The following XPR1 variants were observed in gnomAD, a reference collection of about 807,000 sequenced individuals.
The protein encoded by XPR1 is solute carrier family 53 member 1.
A neutral mutation model predicts 87.5 loss-of-function variants in XPR1; 28 were observed. That is an observed-to-expected ratio of 0.32 (90% CI 0.24 to 0.44). XPR1 has a LOEUF of 0.44. Among genes scored for constraint, XPR1 ranks in the 20% least tolerant of loss-of-function variants. The pLI is 1.00. For missense variants in XPR1, 559 were observed against 862.3 expected (o/e 0.65, Z 4.41); for synonymous variants, 300 against 306.1 (o/e 0.98, Z 0.21).
chr1:180,728,297 T>TGGGG (rs55806284), intron 2 of XPR1, among the ~76,000 whole-genome samples: 4 of 94,474 alleles, frequency 4.2e-5, no homozygotes, highest in Non-Finnish European at 8.4e-5. Flanking sequence ...TGTTTATAAC[T>TGGGG]GGGGGGGGGG....
chr1:180,745,373 C>G (rs181891514), intron 2 of XPR1, among the ~76,000 whole-genome samples: 166 of 152,188 alleles, frequency 1.1e-3, no homozygotes, highest in Non-Finnish European at 2.0e-3. Context: ...AGAGAGAGCA[C>G]GAGTGAGCAA....
chr1:180,694,688 A>G (rs1657102542), intron 2 of XPR1, among the ~76,000 whole-genome samples: 1 of 152,080 alleles, frequency 6.6e-6, no homozygotes, highest in South Asian at 2.1e-4. Flanking sequence ...GGATGTATAA[A>G]GAACCCCATT....
At chr1:180,642,065 A>G (rs1056526613) in intron 1 of XPR1, among the ~76,000 whole-genome samples, 5 of 152,182 alleles carry the variant, frequency 3.3e-5, no homozygotes, top group Admixed American at 3.3e-4. Flanking sequence ...AGACTGGGTA[A>G]ATTAATGATG....
chr1:180,679,724 AAAAC>A (rs1332127865), intron 1 of XPR1, among the ~76,000 whole-genome samples: 1 of 152,212 alleles, frequency 6.6e-6, no homozygotes, highest in Non-Finnish European at 1.5e-5. Context: ...AACAAAAACA[AAAAC>A]AAACTATTAC....
chr1:180,685,558 A>C (rs1370852224), intron 2 of XPR1, among the ~76,000 whole-genome samples: 1 of 152,154 alleles, frequency 6.6e-6, no homozygotes, highest in African/African-American at 2.4e-5. Context: ...TTCAGAAGGA[A>C]TGGTACCAGC....
chr1:180,642,536 G>T (rs1654992729), intron 1 of XPR1, among the ~76,000 whole-genome samples: 1 of 152,016 alleles, frequency 6.6e-6, no homozygotes, highest in Admixed American at 6.6e-5. Flanking sequence ...GGTAGGTTTT[G>T]TTATCCCCAT....
chr1:180,764,179 C>T (rs1648177152), intron 2 of XPR1, among the ~76,000 whole-genome samples: 1 of 152,142 alleles, frequency 6.6e-6, no homozygotes, highest in Non-Finnish European at 1.5e-5. Context: ...GACACCTTTG[C>T]TTTCTGATTG....
chr1:180,781,715 A>G (rs1462512489), intron 2 of XPR1, among the ~76,000 whole-genome samples: 1 of 151,758 alleles, frequency 6.6e-6, no homozygotes, highest in East Asian at 1.9e-4. Flanking sequence ...CATGTGTACA[A>G]CGTGCAGACT....
intron 3 of XPR1, among the ~76,000 whole-genome samples, chr1:180,801,389 A>G (rs574613003): frequency 6.6e-5 from 10 of 152,338 alleles, no homozygotes; most frequent in Middle Eastern, 3.4e-3. Flanking sequence ...CAGGTCCCAG[A>G]TGGGTTGACC....
chr1:180,644,394 T>G (rs1240001783), intron 1 of XPR1, among the ~76,000 whole-genome samples: 1 of 151,188 alleles, frequency 6.6e-6, no homozygotes, highest in Non-Finnish European at 1.5e-5. Flanking sequence ...GCTCTCCCTC[T>G]TCTGATTTAC....
Position 180,880,848 on chromosome 1 carries a change from A to G in XPR1, c.2030+551A>G, listed in dbSNP as rs545500273. Among the ~76,000 whole-genome samples, 19 of 152,324 alleles carry G rather than the reference A, an allele frequency of 1.2e-4. 1 individual carries two copies. In the South Asian group the frequency reaches 3.3e-3, roughly 27 times the overall value. Reference sequence around the variant, plus strand: ...ATTAAATACCTACAACAATATTTTTATCAGTCATTGACTACGTATGTTGCT... The same window carrying G: ...ATTAAATACCTACAACAATATTTTTGTCAGTCATTGACTACGTATGTTGCT... On this transcript the variant is annotated intron_variant, in intron 14 of 14. Transcript: ENST00000367590.
chr1:180,880,253 G>A lies in XPR1; in HGVS notation c.1986G>A (p.Lys662=). 6.2e-7 allele frequency: 1 copy of A among 1,614,192 alleles called. No individual in the cohort carries two copies. The highest frequency in any genetic ancestry group is 1.1e-5 in the South Asian group (1 of 91,078). The change falls in exon 14 of 15, where the codon AAG becomes AAA. Residue 662 remains lysine (K), a synonymous_variant. Coordinates refer to ENST00000367590, the MANE Select transcript of XPR1 (RefSeq NM_004736.4). ...ACCGCCAGAAGAATCGGTCATGGAA[G>A]TACAACCAGAGCATATCCCTGCGCC... ...VRNRQKNRSW[K]YNQSISLRRP... is the part of the protein sequence containing the mutation.
intron 2 of XPR1, among the ~76,000 whole-genome samples, chr1:180,734,460 G>A (rs917696311): frequency 6.6e-6 from 1 of 152,214 alleles, no homozygotes; most frequent in Non-Finnish European, 1.5e-5. Flanking sequence ...CATGATGGGT[G>A]AGGGGTCTGG....
intron 2 of XPR1, among the ~76,000 whole-genome samples, chr1:180,739,131 C>T (rs111292888): frequency 1.3e-5 from 2 of 152,246 alleles, no homozygotes; most frequent in Non-Finnish European, 2.9e-5. Flanking sequence ...AAAAAAGAGT[C>T]TCTCTCCCTT....
rs1467763901 is a variant in XPR1, at chr1:180,806,079, G to T, written c.465G>T (p.Gly155=). ...LQNYQNLNFT[G]FRKILKKHDK... ...TTCTGTAGAATCTGAATTTTACAGGGTTTCGAAAAATCCTGAAAAAGCATG... is the reference window on the plus strand; with the variant it reads ...TTCTGTAGAATCTGAATTTTACAGGTTTTCGAAAAATCCTGAAAAAGCATG... Residue 155 remains glycine (G), a synonymous_variant, in exon 5 of 15, where the codon GGG becomes GGT. Coordinates refer to ENST00000367590, the MANE Select transcript of XPR1 (RefSeq NM_004736.4). The T allele has an allele frequency of 2.5e-6, 4 of 1,612,900 alleles. No homozygotes were observed. The highest frequency in any genetic ancestry group is 1.3e-5 in the African/African-American group (1 of 74,850).
intron 1 of XPR1, among the ~76,000 whole-genome samples, chr1:180,653,825 GACT>G (rs1170921462): frequency 6.6e-6 from 1 of 152,088 alleles, no homozygotes; most frequent in Admixed American, 6.6e-5. Flanking sequence ...TAACTGCATT[GACT>G]ACTAAGTGAC....
rs1324849809 is a variant in XPR1, at chr1:180,632,231, C to T, written c.30C>T (p.His10=). The change falls in exon 1 of 15, where the codon CAC becomes CAT. Residue 10 remains histidine, a synonymous_variant. Coordinates refer to ENST00000367590, the MANE Select transcript of XPR1 (RefSeq NM_004736.4). MKFAEHLSA[H]ITPEWRKQYI... is the part of the protein sequence containing the mutation. ...AGTTCGCCGAGCACCTCTCCGCGCA[C>T]ATCACTCCCGAGTGGAGGAAGCAAT... The T allele has an allele frequency of 1.2e-6, 2 of 1,612,112 alleles. No individual in the cohort carries two copies. The highest frequency in any genetic ancestry group is 1.3e-5 in the African/African-American group (1 of 75,014).
chr1:180,799,677 T>C (rs1649709581), intron 3 of XPR1, among the ~76,000 whole-genome samples: 1 of 152,128 alleles, frequency 6.6e-6, no homozygotes, highest in African/African-American at 2.4e-5. Flanking sequence ...CACTGCCTAA[T>C]AGAAGGCATC....
chr1:180,695,124 T>C (rs1657119520), intron 2 of XPR1, among the ~76,000 whole-genome samples: 1 of 152,192 alleles, frequency 6.6e-6, no homozygotes, highest in Admixed American at 6.5e-5. Context: ...GTGGTTTTGA[T>C]TTGCGTTTCC....
Sources: allele counts gnomAD v4.1 joint callset (sites outside exome capture counted in the v4.1 genomes callset), GRCh38; gene constraint gnomAD v4.1.1; transcripts MANE v1.5; gene names NCBI Gene and HGNC (gene_info 2026-07-23, HGNC 2026-07-21).